VPS26A: variants seen among roughly 807,000 people sequenced by gnomAD.
VPS26A encodes VPS26 retromer complex component A.
VPS26A carries 22 observed loss-of-function variants against 42.4 expected under a neutral mutation model. The ratio of observed to expected loss-of-function variants is 0.52; its 90% CI spans 0.37 to 0.74. The LOEUF (loss-of-function observed/expected upper bound fraction) is 0.74, where lower values mean the gene tolerates loss of function less well. Ranked by LOEUF, VPS26A falls within the 30% of genes least tolerant of loss-of-function variation. VPS26A has a pLI of 0.00. For missense variants in VPS26A, 276 were observed against 379.2 expected (o/e 0.73, Z 2.26); for synonymous variants, 110 against 123.5 (o/e 0.89, Z 0.73).
At position 69,156,017 on chromosome 10, in the gene VPS26A, G is replaced by A. The variant is rs186843581; in HGVS notation, c.229+130G>A. 2,668 of 670,194 alleles carry A rather than the reference G, an allele frequency of 4.0e-3. 13 individuals are homozygous for A. Among genetic ancestry groups the A allele is most frequent in the Middle Eastern group, 4.7e-3 (12 of 2,542 alleles). 41.5% of individuals were successfully genotyped at this position (670,194 alleles called of 1,614,324 possible). ...AAGGAATTGATTTTGCATAATAAAA[G>A]AGAGGATTTACTTTATAACTATATT... On this transcript the variant is annotated intron_variant, in intron 3 of 8. Transcript: ENST00000263559.
Position 69,171,439 on chromosome 10 carries a change from G to T in VPS26A, c.*170G>T. 5.7e-6 allele frequency: 3 copies of T among 524,294 alleles called. No individual in the cohort carries two copies. The highest frequency in any genetic ancestry group is 9.9e-6 in the Non-Finnish European group (3 of 303,912). The allele number at this position is 524,294 out of a possible 1,614,324, so 32.5% of individuals were successfully genotyped here. ...CATTTATTTTATGATATAATGAAAT[G>T]TTCGTTCATGTATATACATTTTTAA... On this transcript the variant is annotated 3_prime_UTR_variant, in exon 9 of 9. Coordinates refer to ENST00000263559, the MANE Select transcript of VPS26A (RefSeq NM_004896.5).
At chr10:69,166,210 T>G in intron 7 of VPS26A, 100 bp downstream of exon 7, 1 of 1,079,072 alleles carries the variant, frequency 9.3e-7, no homozygotes. Flanking sequence ...TTTGAATTCT[T>G]AAACCATTCT....
intron 2 of VPS26A, among the ~76,000 whole-genome samples, chr10:69,151,157 C>T (rs1211922622): frequency 6.6e-6 from 1 of 150,434 alleles, no homozygotes; most frequent in Non-Finnish European, 1.5e-5. Context: ...CCCAGCTACT[C>T]GGGAGGCTGA....
intron 8 of VPS26A, among the ~76,000 whole-genome samples, chr10:69,170,560 AG>A (rs1467487275): frequency 6.6e-6 from 1 of 152,190 alleles, no homozygotes; most frequent in Non-Finnish European, 1.5e-5. Context: ...GGGAAGATGT[AG>A]GGCGAGTTTA....
intron 2 of VPS26A, among the ~76,000 whole-genome samples, chr10:69,137,882 T>TATATATATA (rs1564675546): frequency 6.6e-6 from 1 of 151,282 alleles, no homozygotes; most frequent in African/African-American, 2.5e-5. Context: ...TATATATATA[T>TATATATATA]TCGCCATAAA....
At position 69,128,971 on chromosome 10, in the gene VPS26A, TG is replaced by T. The variant is rs113925895; in HGVS notation, c.4-3924del. ...GAGATCATACCACTGCACTCCAGCC[TG>T]GGTGACAGAGTGAGACTCTGTCTCA... On this transcript the variant is annotated intron_variant, in intron 1 of 8. Transcript: ENST00000263559. 4.4e-4 allele frequency among the ~76,000 whole-genome samples: 54 copies of T among 122,648 alleles called. 3 individuals carry two copies. The highest frequency in any genetic ancestry group is 1.6e-3 in the African/African-American group (51 of 31,194). The allele number at this position is 122,648 out of a possible 152,430, so 80.5% of individuals were successfully genotyped here. A position where few individuals can be genotyped will look rare whatever the true frequency, so the allele number is the denominator to read the frequency against.
chr10:69,141,567 G>A (rs1157343421), intron 2 of VPS26A, among the ~76,000 whole-genome samples: 2 of 152,192 alleles, frequency 1.3e-5, no homozygotes, highest in African/African-American at 4.8e-5. Context: ...AATGTATGCA[G>A]CTGGAAATAT....
rs1159836351 is a variant in VPS26A at position 69,173,491 on chromosome 10, A to G, written c.*2222A>G. ...TTAACAATGAGCTGGGCATGGTGGCATGCACCTGTATTTCCAGCTATTTAG... is the reference window on the plus strand; with the variant it reads ...TTAACAATGAGCTGGGCATGGTGGCGTGCACCTGTATTTCCAGCTATTTAG... On this transcript the variant is annotated 3_prime_UTR_variant, in exon 9 of 9. Transcript: ENST00000263559. 2.6e-5 allele frequency among the ~76,000 whole-genome samples: 4 copies of G among 152,058 alleles called. No homozygotes were observed. The highest frequency in any genetic ancestry group is 9.7e-5 in the African/African-American group (4 of 41,422).
intron 7 of VPS26A, 81 bp from the exon 8 acceptor site, chr10:69,168,408 A>C (rs1022644127): frequency 3.4e-6 from 5 of 1,451,788 alleles, no homozygotes; most frequent in Admixed American, 2.1e-5. Flanking sequence ...ATTAGTGTCA[A>C]CTCTATAGTG....
intron 2 of VPS26A, among the ~76,000 whole-genome samples, chr10:69,149,734 GTTTTTTTTTTTTTTTTTTTT>G (rs869048277): frequency 4.7e-5 from 1 of 21,364 alleles, no homozygotes; most frequent in Non-Finnish European, 1.7e-4. Context: ...GGTGTTTTTT[GTTTTTTTTTTTTTTTTTTTT>G]TTTTTTTTTT....
At chr10:69,158,401 C>T (rs1457457032) in intron 5 of VPS26A, among the ~76,000 whole-genome samples, 190 bp downstream of exon 5, 1 of 152,104 alleles carries the variant, frequency 6.6e-6, no homozygotes, top group African/African-American at 2.4e-5. Flanking sequence ...CTTTTATGTT[C>T]TATTCCTGAT....
At chr10:69,169,243 C>CATT (rs200634809) in intron 8 of VPS26A, among the ~76,000 whole-genome samples, 7,433 of 150,298 alleles carry the variant, frequency 0.049, 605 homozygotes, top group African/African-American at 0.17. Context: ...AACAAATATA[C>CATT]ATTATTATTA....
rs1234748450 is a variant in VPS26A, at chr10:69,133,003, G to A, written c.109G>A (p.Glu37Lys). Residue 37 changes from glutamate (E) to lysine (K), a missense_variant, in exon 2 of 9, where the codon GAA becomes AAA. Physicochemically the swap from Glu to Lys is moderately conservative, Grantham distance 56. Transcript: ENST00000263559. ...AATGAAAACTGAAGATGGCAAAGTA[G>A]AAAAACACTATCTCTTCTATGACGG... ...AEMKTEDGKV[E>K]KHYLFYDGES... 3 of 1,612,318 alleles carry A rather than the reference G, an allele frequency of 1.9e-6. No homozygotes were observed. The African/African-American group carries it at 4.0e-5, about 22-fold the overall frequency.
At chr10:69,133,644 T>C in intron 2 of VPS26A, 1 of 1,265,224 alleles carries the variant, frequency 7.9e-7, no homozygotes, top group Non-Finnish European at 1.0e-6. Context: ...TCCGGTAATG[T>C]ATACGGTTTT....
At chr10:69,139,003 G>A (rs1342898703) in intron 2 of VPS26A, among the ~76,000 whole-genome samples, 1 of 152,198 alleles carries the variant, frequency 6.6e-6, no homozygotes, top group African/African-American at 2.4e-5. Flanking sequence ...TTGTCAGAGT[G>A]TATAGTAATT....
rs1841818982 is a variant in VPS26A at position 69,171,648 on chromosome 10, G to GATTT, written c.*379_*380insATTT. 1 of 158,278 alleles carries GATTT rather than the reference G, an allele frequency of 6.3e-6. No homozygotes were observed. The highest frequency in any genetic ancestry group is 1.4e-5 in the Non-Finnish European group (1 of 72,342). The allele number at this position is 158,278 out of a possible 1,614,324, so 9.8% of individuals were successfully genotyped here. A position where few individuals can be genotyped will look rare whatever the true frequency, so the allele number is the denominator to read the frequency against. On this transcript the variant is annotated 3_prime_UTR_variant, in exon 9 of 9. Coordinates refer to ENST00000263559, the MANE Select transcript of VPS26A (RefSeq NM_004896.5). ...TTGATTATAAATCCTCTCTTTTCAGGCTAATGATTACCTCTTATTCTCTAC... is the reference window on the plus strand; with the variant it reads ...TTGATTATAAATCCTCTCTTTTCAGGATTTCTAATGATTACCTCTTATTCTCTAC...
intron 2 of VPS26A, among the ~76,000 whole-genome samples, chr10:69,151,664 G>T (rs1396368410): frequency 6.6e-6 from 1 of 152,146 alleles, no homozygotes; most frequent in African/African-American, 2.4e-5. Flanking sequence ...TTCAGAGTTT[G>T]CAGTTTGGTA....
At chr10:69,171,027 GT>G in intron 8 of VPS26A, 128 bp from the exon 9 acceptor site, 2 of 730,004 alleles carry the variant, frequency 2.7e-6, no homozygotes, top group African/African-American at 3.6e-5. Context: ...TGGAAAAGAA[GT>G]TGGAAAAGAG....
In VPS26A at chr10:69,168,574, G is replaced by T. The variant is rs745327075; in HGVS notation, c.813G>T (p.Arg271Ser). The T allele has an allele frequency of 1.2e-6, 2 of 1,614,124 alleles. No homozygotes were observed. The highest frequency in any genetic ancestry group is 1.7e-5 in the Admixed American group (1 of 60,010). Reference protein sequence around the residue: ...MRDVNKKFSVRYFLNLVLVDE... With the variant: ...MRDVNKKFSVSYFLNLVLVDE... ...ATGTGAACAAAAAATTTTCAGTAAG[G>T]TACTTTTTGAATTTAGTGCTTGTTG... Residue 271 changes from arginine (R) to serine (S), a missense_variant, in exon 8 of 9, where the codon AGG (arginine) becomes AGT (serine). Transcript: ENST00000263559.
Sources: gnomAD v4.1 joint callset for allele counts (sites outside exome capture counted in the v4.1 genomes callset) on GRCh38, gnomAD v4.1.1 for gene constraint, MANE v1.5 for transcripts, NCBI Gene and HGNC (gene_info 2026-07-23, HGNC 2026-07-21) for gene names.